ATP8A2: variants seen among roughly 807,000 people sequenced by gnomAD.
ATP8A2 encodes ATPase phospholipid transporting 8A2, also known as phospholipid-transporting ATPase IB.
In ATP8A2, 100 loss-of-function variants were observed where a neutral mutation model predicts 165.6. That is an observed-to-expected ratio of 0.60 (90% CI 0.51 to 0.71). ATP8A2 has a LOEUF of 0.71. Among genes scored for constraint, ATP8A2 ranks in the 30% least tolerant of loss-of-function variants. The probability of loss-of-function intolerance (pLI) is 0.00; values close to 1 mark genes in which losing one functional copy is unlikely to be tolerated. For synonymous variants in ATP8A2, 543 were observed against 548.8 expected (o/e 0.99, Z 0.15); for missense variants, 1,227 against 1,479.5 (o/e 0.83, Z 2.80).
chr13:25,768,512 C>T (rs1410793788), intron 25 of ATP8A2, among the ~76,000 whole-genome samples: 2 of 152,018 alleles, frequency 1.3e-5, no homozygotes, highest in East Asian at 1.9e-4. Context: ...TTTTCTGGGG[C>T]GGATGTAGGG....
At chr13:25,912,689 A>T (rs920216376) in intron 33 of ATP8A2, among the ~76,000 whole-genome samples, 1 of 152,034 alleles carries the variant, frequency 6.6e-6, no homozygotes, top group Non-Finnish European at 1.5e-5. Flanking sequence ...TACAACCTAA[A>T]TTTTTTTTAA....
chr13:25,843,867 A>G (rs1326255437), intron 30 of ATP8A2, among the ~76,000 whole-genome samples: 1 of 152,182 alleles, frequency 6.6e-6, no homozygotes, highest in Non-Finnish European at 1.5e-5. Flanking sequence ...GGAAAAGGGA[A>G]CAAATACTTG....
intron 35 of ATP8A2, among the ~76,000 whole-genome samples, chr13:25,998,279 G>A (rs1162987499): frequency 1.3e-5 from 2 of 152,164 alleles, no homozygotes; most frequent in African/African-American, 4.8e-5. Context: ...GAAGGGAGGG[G>A]TCCTTATTGG....
At chr13:25,749,737 C>T (rs1015509992) in intron 25 of ATP8A2, among the ~76,000 whole-genome samples, 5 of 152,096 alleles carry the variant, frequency 3.3e-5, no homozygotes, top group African/African-American at 1.2e-4. Flanking sequence ...ATGTTCCTTC[C>T]GATTTTCTTT....
chr13:25,512,218 A>G (rs1480663505), intron 2 of ATP8A2, among the ~76,000 whole-genome samples: 1 of 152,200 alleles, frequency 6.6e-6, no homozygotes, highest in Non-Finnish European at 1.5e-5. Flanking sequence ...TCACAGAACA[A>G]CAGGATCCCA....
chr13:25,961,300 C>A (rs1955653218), intron 33 of ATP8A2, among the ~76,000 whole-genome samples: 1 of 152,154 alleles, frequency 6.6e-6, no homozygotes, highest in Non-Finnish European at 1.5e-5. Flanking sequence ...GGATTTAAGA[C>A]AACATCCTGT....
At chr13:25,651,074 T>C (rs1408361544) in intron 24 of ATP8A2, among the ~76,000 whole-genome samples, 1 of 152,214 alleles carries the variant, frequency 6.6e-6, no homozygotes, top group Non-Finnish European at 1.5e-5. Context: ...TATTTCTTCC[T>C]TGAATGCTTG....
intron 16 of ATP8A2, among the ~76,000 whole-genome samples, chr13:25,570,298 C>T (rs1001482492): frequency 4.6e-5 from 7 of 152,078 alleles, no homozygotes; most frequent in African/African-American, 1.4e-4. Flanking sequence ...GCAGAACACA[C>T]GCTTCCGGAG....
At chr13:25,718,362 T>C (rs2043301146) in intron 25 of ATP8A2, among the ~76,000 whole-genome samples, 1 of 151,266 alleles carries the variant, frequency 6.6e-6, no homozygotes, top group Non-Finnish European at 1.5e-5. Context: ...ACATATAAAT[T>C]AGTAGAGTTT....
intron 23 of ATP8A2, among the ~76,000 whole-genome samples, chr13:25,586,404 T>C (rs558338200): frequency 6.6e-6 from 1 of 152,190 alleles, no homozygotes; most frequent in East Asian, 1.9e-4. Context: ...TGTTCTTCTG[T>C]GTGGCGAGGG....
At chr13:25,806,323 C>A (rs1950739596) in intron 27 of ATP8A2, among the ~76,000 whole-genome samples, 1 of 152,052 alleles carries the variant, frequency 6.6e-6, no homozygotes, top group South Asian at 2.1e-4. Flanking sequence ...TTAGCATGAT[C>A]TGTGGGTGGA....
chr13:25,531,186 TTATATATGTTA>T (rs2038031565), intron 4 of ATP8A2, among the ~76,000 whole-genome samples: 12 of 138,124 alleles, frequency 8.7e-5, no homozygotes, highest in Non-Finnish European at 1.4e-4. Context: ...TATATATATG[TTATATATGTTA>T]TATATGATAT....
chr13:25,752,825 T>G lies in ATP8A2; in HGVS notation c.2385-16221T>G, dbSNP rs559846714. On this transcript the variant is annotated intron_variant, in intron 25 of 36. Coordinates refer to ENST00000381655, the MANE Select transcript of ATP8A2 (RefSeq NM_016529.6). ...TCAGATTCTTTTTGGCTGGTTTTAG[T>G]TCAGCATCTCTATCCATGGTCTCAG... Among the ~76,000 whole-genome samples the G allele has an allele frequency of 1.5e-3, 236 of 152,358 alleles. 1 individual carries two copies. The highest frequency in any genetic ancestry group is 5.4e-3 in the African/African-American group (224 of 41,592).
intron 36 of ATP8A2, among the ~76,000 whole-genome samples, chr13:26,018,376 A>C (rs1347436300): frequency 6.6e-6 from 1 of 152,222 alleles, no homozygotes; most frequent in Non-Finnish European, 1.5e-5. Flanking sequence ...ATACTCTAGA[A>C]ATTTCCTTTT....
intron 27 of ATP8A2, among the ~76,000 whole-genome samples, chr13:25,799,665 T>C (rs1410564802): frequency 1.3e-5 from 2 of 152,110 alleles, no homozygotes; most frequent in Admixed American, 1.3e-4. Flanking sequence ...CGTCCCTGAG[T>C]GTATTTAGAT....
chr13:25,604,445 C>A (rs188073273), intron 24 of ATP8A2, among the ~76,000 whole-genome samples: 85 of 152,240 alleles, frequency 5.6e-4, no homozygotes, highest in African/African-American at 2.0e-3. Context: ...TTTGCTGAAA[C>A]TTCTTGTAGG....
chr13:25,580,916 C>CT (rs976615282), intron 22 of ATP8A2, among the ~76,000 whole-genome samples: 1 of 151,842 alleles, frequency 6.6e-6, no homozygotes, highest in Admixed American at 6.6e-5. Flanking sequence ...TTCTCCTCTG[C>CT]TTTTTTTTAC....
intron 25 of ATP8A2, among the ~76,000 whole-genome samples, chr13:25,746,993 C>T (rs217861): frequency 0.013 from 1,962 of 152,268 alleles, 44 homozygotes; most frequent in African/African-American, 0.045. Context: ...AGCCTATGGT[C>T]GTTCTGTCCT....
At chr13:25,383,044 C>G (rs959483782) in intron 1 of ATP8A2, among the ~76,000 whole-genome samples, 3 of 143,202 alleles carry the variant, frequency 2.1e-5, no homozygotes, top group Non-Finnish European at 1.5e-5. Flanking sequence ...TGTGAGCCAC[C>G]ACACCCAGCC....
Sources: allele counts gnomAD v4.1 joint callset (sites outside exome capture counted in the v4.1 genomes callset), GRCh38; gene constraint gnomAD v4.1.1; transcripts MANE v1.5; gene names NCBI Gene and HGNC (gene_info 2026-07-23, HGNC 2026-07-21).